GALNT13: variants seen among roughly 807,000 people sequenced by gnomAD.
GALNT13 encodes the protein UDP-GalNAc:polypeptide N-acetylgalactosaminyltransferase 13.
In GALNT13, 28 loss-of-function variants were observed where a neutral mutation model predicts 64.2. The observed-to-expected ratio is 0.44, with a 90% CI of 0.32 to 0.60. The LOEUF is 0.60. Among genes scored for constraint, GALNT13 ranks in the 20% least tolerant of loss-of-function variants. GALNT13 has a pLI of 0.05. For synonymous variants in GALNT13, 214 were observed against 224.6 expected, an observed-to-expected ratio of 0.95 and a Z score of 0.42; for missense variants, 577 against 669.8, an observed-to-expected ratio of 0.86 and a Z score of 1.53.
chr2:153,830,662 G>A, the GALNT13 span, among the ~76,000 whole-genome samples: 1 of 151,986 alleles, frequency 6.6e-6, no homozygotes, highest in Non-Finnish European at 1.5e-5. Flanking sequence ...ATTTTTCTAA[G>A]GAGAAAGGTT....
chr2:153,324,990 T>G, the GALNT13 span, among the ~76,000 whole-genome samples: 1 of 152,100 alleles, frequency 6.6e-6, no homozygotes. Flanking sequence ...ATGATGCTGC[T>G]CTCATACAAT....
intron 3 of GALNT13, among the ~76,000 whole-genome samples, chr2:154,059,290 A>G (rs1290094352): frequency 5.3e-5 from 8 of 152,250 alleles, no homozygotes. Context: ...AAAAATAACT[A>G]GGGAAAATAA....
At chr2:153,177,619 T>C in the GALNT13 span, among the ~76,000 whole-genome samples, 1 of 152,120 alleles carries the variant, frequency 6.6e-6, no homozygotes, top group South Asian at 2.1e-4. Flanking sequence ...AAATTATAAT[T>C]GTATATGTCA....
the GALNT13 span, among the ~76,000 whole-genome samples, chr2:153,319,000 T>C: frequency 1.3e-5 from 2 of 152,144 alleles, no homozygotes; most frequent in Non-Finnish European, 2.9e-5. Context: ...TTTAACTCAT[T>C]TCACAAATAA....
chr2:154,130,723 T>C (rs1236420728), intron 3 of GALNT13, among the ~76,000 whole-genome samples: 1 of 152,214 alleles, frequency 6.6e-6, no homozygotes, highest in African/African-American at 2.4e-5. Flanking sequence ...CCTAACTAGA[T>C]GCATAGTCAA....
chr2:153,739,415 A>C, the GALNT13 span, among the ~76,000 whole-genome samples: 1 of 151,156 alleles, frequency 6.6e-6, no homozygotes, highest in African/African-American at 2.4e-5. Context: ...CTTGTGTGCA[A>C]GGTTTTCTTC....
intron 3 of GALNT13, among the ~76,000 whole-genome samples, chr2:154,019,892 C>T (rs1006979776): frequency 9.1e-5 from 11 of 120,494 alleles, no homozygotes; most frequent in Non-Finnish European, 1.5e-4. Context: ...TGATGTTCCC[C>T]TTCCTGTGTC....
chr2:154,092,882 A>C (rs1223446567), intron 3 of GALNT13, among the ~76,000 whole-genome samples: 1 of 151,998 alleles, frequency 6.6e-6, no homozygotes, highest in Admixed American at 6.6e-5. Flanking sequence ...CTTTGCTTTA[A>C]AGGATTTCAT....
chr2:153,331,358 G>T, the GALNT13 span, among the ~76,000 whole-genome samples: 1 of 151,914 alleles, frequency 6.6e-6, no homozygotes, highest in Non-Finnish European at 1.5e-5. Flanking sequence ...TCACCTGTGA[G>T]TTCATCTGGT....
the GALNT13 span, among the ~76,000 whole-genome samples, chr2:153,385,586 G>A: frequency 6.6e-6 from 1 of 151,876 alleles, no homozygotes. Context: ...TAATGGGTAC[G>A]AAATAAGCTA....
chr2:153,818,350 T>C, the GALNT13 span, among the ~76,000 whole-genome samples: 41 of 152,148 alleles, frequency 2.7e-4, 1 homozygote, highest in Non-Finnish European at 7.4e-5. Context: ...ATAGAGGCCA[T>C]AGCCACACTG....
At chr2:153,288,143 G>A in the GALNT13 span, among the ~76,000 whole-genome samples, 3 of 152,162 alleles carry the variant, frequency 2.0e-5, no homozygotes, top group Non-Finnish European at 4.4e-5. Flanking sequence ...CCTAGAGATA[G>A]AGCCTCACGC....
intron 3 of GALNT13, among the ~76,000 whole-genome samples, chr2:154,120,653 T>C (rs1404039269): frequency 6.6e-6 from 1 of 152,140 alleles, no homozygotes; most frequent in Non-Finnish European, 1.5e-5. Context: ...CAGTTTAGCC[T>C]TTGTGCTTTT....
chr2:153,486,188 G>T, the GALNT13 span, among the ~76,000 whole-genome samples: 2 of 151,960 alleles, frequency 1.3e-5, no homozygotes, highest in African/African-American at 4.8e-5. Context: ...CACCTGCCTC[G>T]GCCTCCCAAA....
chr2:153,374,093 C>G, the GALNT13 span, among the ~76,000 whole-genome samples: 2 of 152,106 alleles, frequency 1.3e-5, no homozygotes, highest in Admixed American at 1.3e-4. Flanking sequence ...AATATTTGTT[C>G]AAGACTGTGC....
the GALNT13 span, among the ~76,000 whole-genome samples, chr2:153,754,616 C>T: frequency 5.9e-5 from 9 of 152,080 alleles, no homozygotes; most frequent in African/African-American, 2.2e-4. Flanking sequence ...GAAGGAGTCT[C>T]TTTTGGAGCT....
At chr2:154,154,653 A>G (rs1684291848) in intron 4 of GALNT13, among the ~76,000 whole-genome samples, 1 of 152,172 alleles carries the variant, frequency 6.6e-6, no homozygotes, top group South Asian at 2.1e-4. Flanking sequence ...AATATGTAGT[A>G]ATTAATTAAA....
At chr2:153,431,636 A>G in the GALNT13 span, among the ~76,000 whole-genome samples, 1 of 152,180 alleles carries the variant, frequency 6.6e-6, no homozygotes, top group African/African-American at 2.4e-5. Context: ...TTTGCCTCAC[A>G]GGAGAGCTCT....
chr2:154,145,961 A>G (rs1683567359), intron 4 of GALNT13, among the ~76,000 whole-genome samples: 1 of 151,964 alleles, frequency 6.6e-6, no homozygotes, highest in Admixed American at 6.6e-5. Flanking sequence ...TAATTTGAGA[A>G]TTATTGCAAC....
Sources: gnomAD v4.1 joint callset for allele counts (sites outside exome capture counted in the v4.1 genomes callset) on GRCh38, gnomAD v4.1.1 for gene constraint, MANE v1.5 for transcripts, NCBI Gene and HGNC (gene_info 2026-07-23, HGNC 2026-07-21) for gene names.